The following ATRNL1 variants were observed in gnomAD, a reference collection of about 807,000 sequenced individuals.
ATRNL1 encodes attractin like 1.
A neutral mutation model predicts 182.7 loss-of-function variants in ATRNL1; 95 were observed. The ratio of observed to expected loss-of-function variants is 0.52; its 90% CI spans 0.44 to 0.62. The LOEUF is 0.62. ATRNL1 is among the 20% of genes least tolerant of loss of function. The pLI is 0.00. For synonymous variants in ATRNL1, 576 were observed against 568.3 expected, an observed-to-expected ratio of 1.01 and a Z score of -0.19; for missense variants, 1,471 against 1,679.5, an observed-to-expected ratio of 0.88 and a Z score of 2.17.
intron 28 of ATRNL1, among the ~76,000 whole-genome samples, chr10:115,868,819 A>ATTTTTTTTTT (rs1555105343): frequency 8.1e-4 from 80 of 98,246 alleles, no homozygotes; most frequent in Non-Finnish European, 1.2e-3. Context: ...GCAAGTCTTT[A>ATTTTTTTTTT]TTCTTTTTTT....
At chr10:115,923,782 G>A (rs1953137872) in intron 28 of ATRNL1, among the ~76,000 whole-genome samples, 1 of 152,198 alleles carries the variant, frequency 6.6e-6, no homozygotes, top group African/African-American at 2.4e-5. Context: ...TAATGGGATT[G>A]TTGGGTCAAA....
intron 25 of ATRNL1, among the ~76,000 whole-genome samples, chr10:115,533,069 T>G (rs1851697389): frequency 6.6e-6 from 1 of 152,218 alleles, no homozygotes; most frequent in Admixed American, 6.5e-5. Flanking sequence ...AATTCTCTTT[T>G]TTGGTTGTGT....
intron 15 of ATRNL1, among the ~76,000 whole-genome samples, chr10:115,286,658 G>T (rs1852631176): frequency 6.6e-6 from 1 of 151,900 alleles, no homozygotes; most frequent in Non-Finnish European, 1.5e-5. Context: ...CACTTAAAGA[G>T]TATATAATTT....
intron 26 of ATRNL1, among the ~76,000 whole-genome samples, chr10:115,669,393 G>A (rs531139044): frequency 6.6e-6 from 1 of 152,130 alleles, no homozygotes; most frequent in South Asian, 2.1e-4. Context: ...GTAATATTGA[G>A]ACCACATTAC....
In ATRNL1 at chr10:115,426,266, C is replaced by T; in HGVS notation, c.3286C>T (p.Arg1096Cys). The T allele has an allele frequency of 1.2e-6, 2 of 1,611,996 alleles. No homozygotes were observed. Among genetic ancestry groups the T allele is most frequent in the Non-Finnish European group, 1.7e-6 (2 of 1,178,714 alleles). ...DQCQLCDSEN[R>C]YVGNPLRGTC... Reference sequence around the variant, plus strand: ...TTTCTGCAGATGTGACTCTGAAAATCGCTATGTTGGTAATCCACTTAGAGG... The same window carrying T: ...TTTCTGCAGATGTGACTCTGAAAATTGCTATGTTGGTAATCCACTTAGAGG... Residue 1096 changes from arginine (R) to cysteine (C), a missense_variant, in exon 21 of 29, where the codon CGC becomes TGC. This residue lies in a region of ATRNL1 where 437 missense variants were observed against 506.0 expected (regional missense o/e 0.86). Transcript: ENST00000355044.
chr10:115,768,445 A>G (rs1047934611), intron 27 of ATRNL1, among the ~76,000 whole-genome samples: 1 of 152,140 alleles, frequency 6.6e-6, no homozygotes, highest in Admixed American at 6.6e-5. Flanking sequence ...CTATCAAATC[A>G]CCATGTAATT....
intron 1 of ATRNL1, among the ~76,000 whole-genome samples, chr10:115,112,689 A>G (rs1447377014): frequency 6.6e-6 from 1 of 152,190 alleles, no homozygotes; most frequent in Non-Finnish European, 1.5e-5. Flanking sequence ...TAAATGGGTA[A>G]CTCATTTTAA....
chr10:115,931,387 C>A (rs1338223435), intron 28 of ATRNL1, among the ~76,000 whole-genome samples: 7 of 152,084 alleles, frequency 4.6e-5, no homozygotes, highest in African/African-American at 7.2e-5. Context: ...TTATAAGTTT[C>A]TTTTCTTTAT....
chr10:115,550,014 C>G (rs1333336085), intron 26 of ATRNL1, among the ~76,000 whole-genome samples: 1 of 151,768 alleles, frequency 6.6e-6, no homozygotes, highest in Non-Finnish European at 1.5e-5. Flanking sequence ...TAATCCAACT[C>G]TGTTTAAAGA....
Position 115,736,265 on chromosome 10 carries a change from A to G in ATRNL1, c.3903+8910A>G, listed in dbSNP as rs117328392. Among the ~76,000 whole-genome samples the G allele has an allele frequency of 3.8e-3, 575 of 152,236 alleles. 16 individuals are homozygous for G. The East Asian group carries it at 0.042, about 11-fold the overall frequency. On this transcript the variant is annotated intron_variant, in intron 27 of 28. Coordinates refer to ENST00000355044, the MANE Select transcript of ATRNL1 (RefSeq NM_207303.4). ...CTTATTCCGAACATTGTTCCAATTCACTAACTATTTTAAGTGTATAAAATC... is the reference window on the plus strand; with the variant it reads ...CTTATTCCGAACATTGTTCCAATTCGCTAACTATTTTAAGTGTATAAAATC...
chr10:115,773,286 T>A (rs1467566786), intron 27 of ATRNL1, among the ~76,000 whole-genome samples: 1 of 152,200 alleles, frequency 6.6e-6, no homozygotes, highest in Non-Finnish European at 1.5e-5. Context: ...CTTCATTGAG[T>A]TCATTCCTCA....
intron 18 of ATRNL1, among the ~76,000 whole-genome samples, chr10:115,316,394 T>C (rs1201970332): frequency 6.6e-6 from 1 of 152,026 alleles, no homozygotes. Context: ...GACTTTGCTA[T>C]TGCAAGTAGT....
chr10:115,135,625 G>A (rs1252760537), intron 5 of ATRNL1, among the ~76,000 whole-genome samples: 1 of 152,142 alleles, frequency 6.6e-6, no homozygotes, highest in East Asian at 1.9e-4. Flanking sequence ...GTAATTTATA[G>A]ATCAGTGCCA....
chr10:115,904,900 A>G (rs11197472), intron 28 of ATRNL1, among the ~76,000 whole-genome samples: 12,480 of 152,232 alleles, frequency 0.082, 1,537 homozygotes, highest in African/African-American at 0.27. Flanking sequence ...CCAATTTTTG[A>G]TATTGCTCAG....
intron 28 of ATRNL1, among the ~76,000 whole-genome samples, chr10:115,910,606 C>T (rs1952645754): frequency 6.6e-6 from 1 of 151,782 alleles, no homozygotes; most frequent in Admixed American, 6.6e-5. Flanking sequence ...TTATGCTAAC[C>T]TTTAATGCAC....
chr10:115,097,872 A>G (rs1277933316), intron 1 of ATRNL1, among the ~76,000 whole-genome samples: 4 of 152,190 alleles, frequency 2.6e-5, no homozygotes, highest in African/African-American at 9.6e-5. Context: ...TGCAGTGAGC[A>G]TAGGTCGCGC....
chr10:115,523,486 G>A (rs1851058916), intron 25 of ATRNL1, among the ~76,000 whole-genome samples: 2 of 152,136 alleles, frequency 1.3e-5, no homozygotes. Context: ...TCTACAAATT[G>A]TTATCCCCTG....
At chr10:115,843,822 A>G (rs368311801) in intron 27 of ATRNL1, among the ~76,000 whole-genome samples, 11 of 152,168 alleles carry the variant, frequency 7.2e-5, no homozygotes, top group Admixed American at 2.6e-4. Flanking sequence ...ACTCTAGAGG[A>G]TAAGTCAGTC....
intron 27 of ATRNL1, among the ~76,000 whole-genome samples, chr10:115,830,315 G>A (rs1378592729): frequency 2.6e-5 from 4 of 152,164 alleles, no homozygotes; most frequent in African/African-American, 9.6e-5. Context: ...AACCTTTGAG[G>A]TAAGATTTGA....
Sources: gnomAD v4.1 joint callset for allele counts (sites outside exome capture counted in the v4.1 genomes callset) on GRCh38, gnomAD v4.1.1 for gene constraint, gnomAD v4.1.1 regional missense constraint, MANE v1.5 for transcripts, NCBI Gene and HGNC (gene_info 2026-07-23, HGNC 2026-07-21) for gene names.